The following PSMD8 variants were observed in gnomAD, a reference collection of about 807,000 sequenced individuals.
The protein encoded by PSMD8 is 26S proteasome non-ATPase regulatory subunit 8.
PSMD8 carries 30 observed loss-of-function variants against 40.0 expected under a neutral mutation model. The ratio of observed to expected loss-of-function variants is 0.75; its 90% CI spans 0.56 to 1.02. The LOEUF (loss-of-function observed/expected upper bound fraction) is 1.02, where lower values mean the gene tolerates loss of function less well. PSMD8 is among the 50% of genes least tolerant of loss of function. The probability of loss-of-function intolerance (pLI) is 0.00; values close to 1 mark genes in which losing one functional copy is unlikely to be tolerated. For synonymous variants in PSMD8, 208 were observed against 192.5 expected, an observed-to-expected ratio of 1.08 and a Z score of -0.67; for missense variants, 461 against 463.9, an observed-to-expected ratio of 0.99 and a Z score of 0.06.
Position 38,380,958 on chromosome 19 carries a change from G to T in PSMD8, c.762G>T (p.Glu254Asp). Residue 254 changes from glutamate (E) to aspartate (D), a missense_variant, in exon 5 of 7, where the codon GAG (glutamate) becomes GAT (aspartate). Transcript: ENST00000215071. ...TGGCCAAGGGTAACATCCCCGCCGAGAGCTACACCTTCTTCATTGACATCC... is the reference window on the plus strand; with the variant it reads ...TGGCCAAGGGTAACATCCCCGCCGATAGCTACACCTTCTTCATTGACATCC... ...VFLAKGNIPAESYTFFIDILL... is the reference protein window; with the variant it reads ...VFLAKGNIPADSYTFFIDILL... 6.3e-7 allele frequency: 1 copy of T among 1,590,860 alleles called. No individual in the cohort carries two copies. Among genetic ancestry groups the T allele is most frequent in the Non-Finnish European group, 8.6e-7 (1 of 1,167,718 alleles).
intron 3 of PSMD8, among the ~76,000 whole-genome samples, chr19:38,377,480 A>G (rs1034187289): frequency 6.9e-6 from 1 of 145,930 alleles, no homozygotes; most frequent in African/African-American, 2.6e-5. Context: ...GTGTTGAGTC[A>G]TTGCATCTGA....
chr19:38,376,017 T>C (rs1970594643), intron 1 of PSMD8, 143 bp from the exon 2 acceptor site: 2 of 785,268 alleles, frequency 2.5e-6, no homozygotes, highest in Non-Finnish European at 4.2e-6. Flanking sequence ...CTGTTCTGAG[T>C]GCTTTATGAG....
intron 5 of PSMD8, 125 bp downstream of exon 5, chr19:38,381,124 C>A: frequency 1.4e-6 from 1 of 711,160 alleles, no homozygotes. Context: ...TCTTATCCTC[C>A]TAGCACCTCA....
In PSMD8 at chr19:38,379,313, C is replaced by T. The variant is rs145982766; in HGVS notation, c.610C>T (p.Arg204Trp). ...CCTCCTCTTCCTGCTGTCCCAGAAC[C>T]GGGTGGCTGAGTTCCACACGGAGTT... ...LNLLFLLSQNRVAEFHTELER... is the reference protein window; with the variant it reads ...LNLLFLLSQNWVAEFHTELER... The change falls in exon 4 of 7, where the codon CGG (arginine) becomes TGG (tryptophan). Residue 204 changes from arginine to tryptophan, a missense_variant. By Grantham distance (101) the Arg-to-Trp change is moderately radical. Coordinates refer to ENST00000215071, the MANE Select transcript of PSMD8 (RefSeq NM_002812.5). 6.8e-6 allele frequency: 11 copies of T among 1,613,992 alleles called. No individual in the cohort carries two copies. Among genetic ancestry groups the T allele is most frequent in the East Asian group, 2.2e-5 (1 of 44,882 alleles).
Position 38,380,059 on chromosome 19 carries a change from G to A in PSMD8, c.702+654G>A, listed in dbSNP as rs953053335. ...TCCCAGCACATTGGGAGGCCGAGGCGGGTGGATCACCTGAGTTCAGGAGTT... is the reference window on the plus strand; with the variant it reads ...TCCCAGCACATTGGGAGGCCGAGGCAGGTGGATCACCTGAGTTCAGGAGTT... On this transcript the variant is annotated intron_variant, in intron 4 of 6. Transcript: ENST00000215071. Among the ~76,000 whole-genome samples, 5 of 152,232 alleles carry A rather than the reference G, an allele frequency of 3.3e-5. No homozygotes were observed. In the East Asian group the frequency reaches 5.8e-4, roughly 18 times the overall value.
In PSMD8 at chr19:38,383,583, C is replaced by T; in HGVS notation, c.*193C>T. On this transcript the variant is annotated 3_prime_UTR_variant, in exon 7 of 7. Coordinates refer to ENST00000215071, the MANE Select transcript of PSMD8 (RefSeq NM_002812.5). ...GCATTCAGGAGTTGGAGATAGCCTC[C>T]AACTGGGTCAGCCTCTGTCTGGTGG... The T allele has an allele frequency of 1.4e-6, 1 of 726,764 alleles. No individual in the cohort carries two copies. 45.0% of individuals were successfully genotyped at this position (726,764 alleles called of 1,614,324 possible). A position where few individuals can be genotyped will look rare whatever the true frequency, so the allele number is the denominator to read the frequency against.
chr19:38,377,500 CT>C (rs59462018), intron 3 of PSMD8, among the ~76,000 whole-genome samples: 119 of 141,912 alleles, frequency 8.4e-4, no homozygotes, highest in Middle Eastern at 4.1e-3. Flanking sequence ...ACTCCAATAA[CT>C]TTTTTTTTTT....
chr19:38,379,521 C>CA, intron 4 of PSMD8, 116 bp downstream of exon 4: 2 of 1,154,650 alleles, frequency 1.7e-6, no homozygotes, highest in Non-Finnish European at 1.2e-6. Context: ...CCCACGGACC[C>CA]ATCCTCTTGT....
At chr19:38,380,707 AGT>A (rs35021765) in intron 4 of PSMD8, among the ~76,000 whole-genome samples, 190 bp from the exon 5 acceptor site, 19 of 120,912 alleles carry the variant, frequency 1.6e-4, no homozygotes, top group Admixed American at 4.2e-4. Flanking sequence ...AGAGAGAGAG[AGT>A]GTGTGTGTGT....
chr19:38,375,777 G>A (rs1970592611), intron 1 of PSMD8, among the ~76,000 whole-genome samples: 1 of 152,174 alleles, frequency 6.6e-6, no homozygotes, highest in Non-Finnish European at 1.5e-5. Flanking sequence ...GAACTGTGGG[G>A]GGAGATTTGG....
Position 38,376,368 on chromosome 19 carries a change from CG to C in PSMD8, c.454del (p.Ala152ProfsTer85). ...CACCCACAGGTGACATACTGGAGATCGGGGCCCAATGGAGCATCCTACGCAA... is the reference window on the plus strand; with the variant it reads ...CACCCACAGGTGACATACTGGAGATCGGGCCCAATGGAGCATCCTACGCAA... ...LILARDILEI[G>X]AQWSILRKDI... On this transcript the variant is annotated frameshift_variant, in exon 3 of 7. Coordinates refer to ENST00000215071, the MANE Select transcript of PSMD8 (RefSeq NM_002812.5). LOFTEE classifies it high-confidence loss of function. The C allele has an allele frequency of 6.4e-7, 1 of 1,552,368 alleles. No individual in the cohort carries two copies. The highest frequency in any genetic ancestry group is 8.7e-7 in the Non-Finnish European group (1 of 1,147,282).
At chr19:38,377,010 G>A (rs556469277) in intron 3 of PSMD8, among the ~76,000 whole-genome samples, 46 of 152,288 alleles carry the variant, frequency 3.0e-4, no homozygotes, top group South Asian at 1.0e-3. Flanking sequence ...CCCAGAACAG[G>A]GACTCACTGG....
intron 3 of PSMD8, among the ~76,000 whole-genome samples, chr19:38,377,774 G>A (rs957573728): frequency 6.6e-6 from 1 of 152,058 alleles, no homozygotes; most frequent in East Asian, 1.9e-4. Flanking sequence ...TGAGTAGCTG[G>A]TATTACAGGT....
chr19:38,379,686 A>G (rs1970624289), intron 4 of PSMD8, among the ~76,000 whole-genome samples: 1 of 152,118 alleles, frequency 6.6e-6, no homozygotes, highest in Non-Finnish European at 1.5e-5. Flanking sequence ...TGGCCTGCGC[A>G]GTCTGTCAGA....
At chr19:38,378,736 G>A (rs1239163817) in intron 3 of PSMD8, among the ~76,000 whole-genome samples, 1 of 151,262 alleles carries the variant, frequency 6.6e-6, no homozygotes, top group South Asian at 2.1e-4. Context: ...GGTGGATCAC[G>A]AGATCAGGAG....
chr19:38,382,252 G>A (rs1173808133), intron 6 of PSMD8, 24 bp downstream of exon 6: 2 of 1,544,848 alleles, frequency 1.3e-6, no homozygotes, highest in South Asian at 1.2e-5. Flanking sequence ...AGGGCAAGGG[G>A]CCGTGGGACC....
chr19:38,379,493 G>A, intron 4 of PSMD8, 88 bp downstream of exon 4: 2 of 1,424,542 alleles, frequency 1.4e-6, no homozygotes, highest in East Asian at 2.3e-5. Flanking sequence ...GAGTGGCCAG[G>A]GTTCACCCAT....
intron 1 of PSMD8, 129 bp from the exon 2 acceptor site, chr19:38,376,031 G>A: frequency 1.1e-6 from 1 of 891,796 alleles, no homozygotes; most frequent in Non-Finnish European, 1.8e-6. Flanking sequence ...TTATGAGAAA[G>A]CATTCCTCAT....
rs11541756 is a variant in PSMD8, at chr19:38,380,982, C to T, written c.786C>T (p.Ile262=). 0.025 allele frequency: 39,427 copies of T among 1,582,420 alleles called. 603 individuals are homozygous for T. The highest frequency in any genetic ancestry group is 0.071 in the Middle Eastern group (428 of 6,032). The part of the protein sequence containing the change: ...PAESYTFFID[I]LLDTIRDEIA... ...AGAGCTACACCTTCTTCATTGACAT[C>T]CTGCTCGACACTATCAGGTGCGTAG... Residue 262 remains isoleucine, a synonymous_variant, in exon 5 of 7, where the codon ATC becomes ATT. Coordinates refer to ENST00000215071, the MANE Select transcript of PSMD8 (RefSeq NM_002812.5).
Sources: gnomAD v4.1 joint callset for allele counts (sites outside exome capture counted in the v4.1 genomes callset) on GRCh38, gnomAD v4.1.1 for gene constraint, MANE v1.5 for transcripts, NCBI Gene and HGNC (gene_info 2026-07-23, HGNC 2026-07-21) for gene names.